PTK2B: variants seen among roughly 807,000 people sequenced by gnomAD.
PTK2B encodes protein tyrosine kinase 2 beta.
A neutral mutation model predicts 142.9 loss-of-function variants in PTK2B; 71 were observed. The ratio of observed to expected loss-of-function variants is 0.50; its 90% CI spans 0.41 to 0.61. PTK2B has a LOEUF of 0.61. Ranked by LOEUF, PTK2B falls within the 20% of genes least tolerant of loss-of-function variation. The pLI is 0.00. For synonymous variants in PTK2B, 519 were observed against 503.4 expected (o/e 1.03, Z -0.42); for missense variants, 1,105 against 1,320.4 (o/e 0.84, Z 2.53).
chr8:27,457,114 G>A (rs1812185036), intron 30 of PTK2B, among the ~76,000 whole-genome samples: 1 of 152,218 alleles, frequency 6.6e-6, no homozygotes, highest in Non-Finnish European at 1.5e-5. Flanking sequence ...TTTCAATGTA[G>A]ATGAACAACT....
chr8:27,314,129 A>T (rs1391272604), intron 3 of PTK2B, among the ~76,000 whole-genome samples: 1 of 152,126 alleles, frequency 6.6e-6, no homozygotes, highest in Non-Finnish European at 1.5e-5. Flanking sequence ...TAGGTTCCCC[A>T]CTCAGTTTAT....
intron 22 of PTK2B, among the ~76,000 whole-genome samples, chr8:27,443,914 G>A (rs536774942): frequency 6.6e-6 from 1 of 152,314 alleles, no homozygotes; most frequent in South Asian, 2.1e-4. Flanking sequence ...CTGGAGCTCT[G>A]ACTTGGTGGG....
chr8:27,349,546 G>T (rs879944071), intron 1 of PTK2B, among the ~76,000 whole-genome samples: 4 of 152,204 alleles, frequency 2.6e-5, no homozygotes, highest in Non-Finnish European at 4.4e-5. Flanking sequence ...GGGGCAGGGG[G>T]TGAAGACCTC....
chr8:27,374,707 A>G lies in PTK2B; in HGVS notation c.-37-22841A>G, dbSNP rs146705011. Among the ~76,000 whole-genome samples the G allele has an allele frequency of 5.8e-3, 882 of 152,288 alleles. 7 individuals are homozygous for G. The highest frequency in any genetic ancestry group is 0.017 in the Middle Eastern group (5 of 294). ...GCTCTGGATGGGTTGGTTTGCATAT[A>G]TGAAAGGCAGCTGTCAGAAACTGGC... On this transcript the variant is annotated intron_variant, in intron 1 of 30. Transcript: ENST00000346049.
chr8:27,311,615 C>T (rs984911872), exon 1 of PTK2B: 6 of 247,634 alleles, frequency 2.4e-5, no homozygotes, highest in African/African-American at 1.1e-4. Context: ...GAGCCTCTAC[C>T]TTAACCAATC....
intron 1 of PTK2B, among the ~76,000 whole-genome samples, chr8:27,366,867 T>G (rs1586171161): frequency 2.1e-5 from 3 of 145,280 alleles, no homozygotes; most frequent in Non-Finnish European, 3.0e-5. Flanking sequence ...GAGGAGAGGG[T>G]GTGGGGGAGG....
chr8:27,388,417 A>G (rs1011316765), intron 1 of PTK2B, among the ~76,000 whole-genome samples: 4 of 152,220 alleles, frequency 2.6e-5, no homozygotes, highest in African/African-American at 9.6e-5. Context: ...AGAGTAAGAG[A>G]AAAGAAGCTC....
chr8:27,432,355 C>T lies in PTK2B; in HGVS notation c.981C>T (p.Ala327=), dbSNP rs764184338. 6.2e-7 allele frequency: 1 copy of T among 1,613,652 alleles called. No homozygotes were observed. The highest frequency in any genetic ancestry group is 1.1e-5 in the South Asian group (1 of 91,052). Residue 327 remains alanine, a synonymous_variant, in exon 10 of 31, where the codon GCC becomes GCT. Transcript: ENST00000346049. Reference sequence around the variant, plus strand: ...TACTTCAGCTGGGCATTGAAGGTGCCCCCCAGGTGAGTGTCTCTGGGCACT... The same window carrying T: ...TACTTCAGCTGGGCATTGAAGGTGCTCCCCAGGTGAGTGTCTCTGGGCACT... ...QAVLQLGIEG[A]PQALSIKTSS...
intron 1 of PTK2B, among the ~76,000 whole-genome samples, chr8:27,334,596 C>G (rs900397518): frequency 6.6e-6 from 1 of 152,154 alleles, no homozygotes; most frequent in Non-Finnish European, 1.5e-5. Context: ...CAGGGAGATG[C>G]CTTTTATTTT....
chr8:27,409,127 A>C (rs1211268000), intron 2 of PTK2B, among the ~76,000 whole-genome samples: 3 of 152,088 alleles, frequency 2.0e-5, no homozygotes, highest in Non-Finnish European at 4.4e-5. Context: ...GCCCACCCGA[A>C]TGACCTCATT....
intron 5 of PTK2B, among the ~76,000 whole-genome samples, chr8:27,428,861 C>T (rs1810239839): frequency 6.6e-6 from 1 of 152,104 alleles, no homozygotes; most frequent in Admixed American, 6.5e-5. Flanking sequence ...AAGGATATAG[C>T]GTTTTACATT....
chr8:27,453,345 A>G (rs1811940532), intron 28 of PTK2B, among the ~76,000 whole-genome samples, 185 bp downstream of exon 28: 1 of 152,166 alleles, frequency 6.6e-6, no homozygotes, highest in Non-Finnish European at 1.5e-5. Flanking sequence ...CAGCTAATTC[A>G]TGAAAAAGCA....
chr8:27,355,564 G>A (rs1195446750), intron 1 of PTK2B, among the ~76,000 whole-genome samples: 3 of 152,288 alleles, frequency 2.0e-5, no homozygotes, highest in Middle Eastern at 3.4e-3. Flanking sequence ...TAAATTGGTG[G>A]TAATTTGTTA....
At chr8:27,358,441 T>G (rs948016011) in intron 1 of PTK2B, among the ~76,000 whole-genome samples, 1 of 152,264 alleles carries the variant, frequency 6.6e-6, no homozygotes, top group Non-Finnish European at 1.5e-5. Context: ...AATCATATTT[T>G]TAATGTTTTT....
intron 21 of PTK2B, among the ~76,000 whole-genome samples, chr8:27,442,362 G>A (rs749238801): frequency 2.6e-5 from 4 of 152,194 alleles, no homozygotes; most frequent in Non-Finnish European, 4.4e-5. Context: ...TAGGAGCACT[G>A]GATTGGGTAA....
intron 1 of PTK2B, among the ~76,000 whole-genome samples, chr8:27,366,333 G>C (rs1806018039): frequency 6.6e-6 from 1 of 152,204 alleles, no homozygotes. Context: ...AATCCCCCCA[G>C]TTCCCATCTT....
At chr8:27,386,332 A>G (rs1179582452) in intron 1 of PTK2B, among the ~76,000 whole-genome samples, 5 of 152,194 alleles carry the variant, frequency 3.3e-5, no homozygotes, top group Admixed American at 1.3e-4. Context: ...AACGTTGGGT[A>G]GCAAGATCAA....
chr8:27,449,737 AT>A (rs1342355662), intron 24 of PTK2B, among the ~76,000 whole-genome samples: 2 of 152,234 alleles, frequency 1.3e-5, no homozygotes, highest in Admixed American at 6.5e-5. Context: ...CACTGAGCAG[AT>A]ATTTATACAA....
intron 21 of PTK2B, among the ~76,000 whole-genome samples, chr8:27,442,288 T>A (rs1189206045): frequency 1.3e-5 from 2 of 152,338 alleles, no homozygotes; most frequent in Admixed American, 6.5e-5. Flanking sequence ...TTGCTACCCA[T>A]ATGAACATGT....
Sources: gnomAD v4.1 joint callset for allele counts (sites outside exome capture counted in the v4.1 genomes callset) on GRCh38, gnomAD v4.1.1 for gene constraint, MANE v1.5 for transcripts, NCBI Gene and HGNC (gene_info 2026-07-23, HGNC 2026-07-21) for gene names.